IFT74: variants seen among roughly 807,000 people sequenced by gnomAD.
IFT74 encodes the protein intraflagellar transport protein 74 homolog.
IFT74 carries 92 observed loss-of-function variants against 96.7 expected under a neutral mutation model. The observed-to-expected ratio is 0.95, with a 90% CI of 0.80 to 1.13. The LOEUF (loss-of-function observed/expected upper bound fraction) is 1.13, where lower values mean the gene tolerates loss of function less well. IFT74 is among the 50% of genes most tolerant of loss of function. The pLI, the probability that IFT74 is intolerant of heterozygous loss-of-function variation, is 0.00. For synonymous variants in IFT74, 223 were observed against 213.2 expected (o/e 1.05, Z -0.40); for missense variants, 811 against 698.2 (o/e 1.16, Z -1.82).
chr9:27,031,785 T>G (rs1038594157), intron 13 of IFT74, among the ~76,000 whole-genome samples: 1 of 135,622 alleles, frequency 7.4e-6, no homozygotes, highest in Non-Finnish European at 1.6e-5. Flanking sequence ...ATAAAATAAA[T>G]AAAATAAAAT....
rs1251444567 is a variant in IFT74 at position 27,064,062 on chromosome 9, A to T, written c.*1326A>T. Among the ~76,000 whole-genome samples, 1 of 152,150 alleles carries T rather than the reference A, an allele frequency of 6.6e-6. No individual in the cohort carries two copies. The highest frequency in any genetic ancestry group is 2.4e-5 in the African/African-American group (1 of 41,464). On this transcript the variant is annotated 3_prime_UTR_variant, in exon 20 of 20. Coordinates refer to ENST00000380062, the MANE Select transcript of IFT74 (RefSeq NM_025103.4). The stretch of plus-strand genomic sequence containing the variant: ...GACTGCTCATAACCCTTAATATGCT[A>T]ATGTATAATAAGCTCAAGAAGAATA...
At chr9:27,035,323 A>G (rs1012690539) in intron 13 of IFT74, among the ~76,000 whole-genome samples, 2 of 152,248 alleles carry the variant, frequency 1.3e-5, no homozygotes, top group Non-Finnish European at 2.9e-5. Flanking sequence ...TGAGATTTCA[A>G]ATGGCATCTA....
chr9:27,047,210 A>G, intron 14 of IFT74, 64 bp from the exon 15 acceptor site: 1 of 959,536 alleles, frequency 1.0e-6, no homozygotes. Flanking sequence ...AAGAACTGCA[A>G]ATCAGAGTTT....
Position 26,989,263 on chromosome 9 carries a change from G to T in IFT74, c.525+535G>T, listed in dbSNP as rs1206329355. ...GTGGAAAAATTACCTAGCAGGTACAGTGTTCATTATTTGGGTGATGGGTTC... is the reference window on the plus strand; with the variant it reads ...GTGGAAAAATTACCTAGCAGGTACATTGTTCATTATTTGGGTGATGGGTTC... On this transcript the variant is annotated intron_variant, in intron 7 of 19. Coordinates refer to ENST00000380062, the MANE Select transcript of IFT74 (RefSeq NM_025103.4). Among the ~76,000 whole-genome samples the T allele has an allele frequency of 2.6e-5, 4 of 152,120 alleles. No individual in the cohort carries two copies. The East Asian group carries it at 7.7e-4, about 29-fold the overall frequency.
At chr9:26,975,656 C>T (rs1761553878) in intron 2 of IFT74, among the ~76,000 whole-genome samples, 1 of 152,140 alleles carries the variant, frequency 6.6e-6, no homozygotes. Flanking sequence ...ATAGGCCTTT[C>T]CCTGGAGCTT....
chr9:26,960,391 G>A (rs1265182665), intron 1 of IFT74, among the ~76,000 whole-genome samples: 1 of 151,934 alleles, frequency 6.6e-6, no homozygotes, highest in Non-Finnish European at 1.5e-5. Flanking sequence ...TTTTTATATT[G>A]TAGCCCAGTA....
intron 10 of IFT74, among the ~76,000 whole-genome samples, chr9:27,013,500 G>C (rs985823870): frequency 1.3e-5 from 2 of 152,140 alleles, no homozygotes; most frequent in African/African-American, 4.8e-5. Context: ...CAAAAAGGTT[G>C]TTCCAACTTT....
intron 6 of IFT74, among the ~76,000 whole-genome samples, chr9:26,987,993 C>T (rs926180043): frequency 6.6e-6 from 1 of 151,848 alleles, no homozygotes; most frequent in Non-Finnish European, 1.5e-5. Context: ...ACTTTTGTTG[C>T]CCAGGCTGGA....
intron 8 of IFT74, chr9:26,994,930 C>G (rs1429749101): frequency 1.3e-5 from 2 of 152,280 alleles, no homozygotes; most frequent in Admixed American, 6.5e-5. Context: ...TCAATAGTGA[C>G]TTATTAGGGA....
chr9:27,041,863 A>G (rs1819495853), intron 13 of IFT74, among the ~76,000 whole-genome samples: 1 of 152,152 alleles, frequency 6.6e-6, no homozygotes, highest in Non-Finnish European at 1.5e-5. Flanking sequence ...AGCAATAGTG[A>G]TATTGGAGGA....
chr9:27,029,078 T>A lies in IFT74; in HGVS notation c.1028T>A (p.Leu343His), dbSNP rs745407449. 3 of 1,602,720 alleles carry A rather than the reference T, an allele frequency of 1.9e-6. No homozygotes were observed. The highest frequency in any genetic ancestry group is 1.7e-6 in the Non-Finnish European group (2 of 1,174,188). ...CAGTTTATTGAAGAAATTAGACAACTTGACATGGATTTAGAGGAACACCAA... is the reference window on the plus strand; with the variant it reads ...CAGTTTATTGAAGAAATTAGACAACATGACATGGATTTAGAGGAACACCAA... ...INQFIEEIRQ[L>H]DMDLEEHQGE... Residue 343 changes from leucine to histidine, a missense_variant, in exon 13 of 20, where the codon CTT becomes CAT. Leu to His is a moderately conservative substitution (Grantham distance 99). Transcript: ENST00000380062.
At chr9:27,010,663 A>T (rs958028724) in intron 9 of IFT74, among the ~76,000 whole-genome samples, 1 of 150,230 alleles carries the variant, frequency 6.7e-6, no homozygotes, top group African/African-American at 2.4e-5. Flanking sequence ...CCAATTTTTT[A>T]TGTGTTTTTA....
chr9:27,012,875 C>T (rs973077804), intron 10 of IFT74, among the ~76,000 whole-genome samples: 9 of 150,900 alleles, frequency 6.0e-5, no homozygotes, highest in Non-Finnish European at 1.3e-4. Flanking sequence ...CGCCACCACA[C>T]CCAGCTAATT....
At chr9:27,055,514 C>A in intron 16 of IFT74, 95 bp from the exon 17 acceptor site, 1 of 813,694 alleles carries the variant, frequency 1.2e-6, no homozygotes, top group South Asian at 1.9e-5. Flanking sequence ...TACAGATATT[C>A]TTAAAAAACA....
intron 14 of IFT74, among the ~76,000 whole-genome samples, chr9:27,045,624 C>T (rs1369619524): frequency 1.3e-5 from 2 of 152,062 alleles, no homozygotes; most frequent in Non-Finnish European, 2.9e-5. Flanking sequence ...TAAACCTATA[C>T]ATTTATAATT....
chr9:27,025,631 A>G (rs1294234560), intron 12 of IFT74, among the ~76,000 whole-genome samples: 2 of 152,164 alleles, frequency 1.3e-5, no homozygotes, highest in African/African-American at 4.8e-5. Context: ...TATCAGATCA[A>G]TAGCAGATTT....
chr9:27,048,161 T>C lies in IFT74; in HGVS notation c.1220T>C (p.Ile407Thr), dbSNP rs1246819485. 3 of 1,590,208 alleles carry C rather than the reference T, an allele frequency of 1.9e-6. No individual in the cohort carries two copies. The highest frequency in any genetic ancestry group is 3.5e-5 in the Admixed American group (2 of 57,748). ...CTGCAAATGCAGAATATAAATCGTA[T>C]AGAACAGATATCCTCTATCACCAAT... ...LEHCSRNINR[I>T]EQISSITNQE... Residue 407 changes from isoleucine to threonine, a missense_variant, in exon 16 of 20, where the codon ATA (isoleucine) becomes ACA (threonine). Ile to Thr is a moderately conservative substitution (Grantham distance 89). Transcript: ENST00000380062.
At chr9:26,995,847 G>T in intron 8 of IFT74, 1 of 1,597,822 alleles carries the variant, frequency 6.3e-7, no homozygotes, top group Non-Finnish European at 8.5e-7. Context: ...AGAGGTTCAT[G>T]TTCTTTAATG....
At chr9:27,044,657 T>TAG (rs1184190624) in intron 13 of IFT74, 85 bp from the exon 14 acceptor site, 6 of 760,470 alleles carry the variant, frequency 7.9e-6, no homozygotes, top group Non-Finnish European at 1.1e-5. Context: ...ACTAATGGCA[T>TAG]AGAGAGAACC....
Sources: gnomAD v4.1 joint callset for allele counts (sites outside exome capture counted in the v4.1 genomes callset) on GRCh38, gnomAD v4.1.1 for gene constraint, MANE v1.5 for transcripts, NCBI Gene and HGNC (gene_info 2026-07-23, HGNC 2026-07-21) for gene names.